The following CTNND2 variants were observed in gnomAD, a reference collection of about 807,000 sequenced individuals.
CTNND2 encodes catenin delta 2.
In CTNND2, 22 loss-of-function variants were observed where a neutral mutation model predicts 144.4. The ratio of observed to expected loss-of-function variants is 0.15; its 90% CI spans 0.11 to 0.22. CTNND2 has a LOEUF of 0.22. CTNND2 is among the 10% of genes least tolerant of loss of function. CTNND2 has a pLI of 1.00. For synonymous variants in CTNND2, 751 were observed against 695.6 expected (o/e 1.08, Z -1.25); for missense variants, 1,353 against 1,618.8 (o/e 0.84, Z 2.82).
Position 11,545,751 on chromosome 5 carries a change from G to A in CTNND2, c.287+19193C>T, listed in dbSNP as rs183992053. On this transcript the variant is annotated intron_variant, in intron 3 of 21. Coordinates refer to ENST00000304623, the MANE Select transcript of CTNND2 (RefSeq NM_001332.4). ...GTGACCAAGCAATTCTGCTTGTCTA[G>A]CTATAAACCTAAGAGAAATACAAAC... Among the ~76,000 whole-genome samples the A allele has an allele frequency of 1.1e-3, 173 of 151,218 alleles. 1 individual carries two copies. In the Middle Eastern group the frequency reaches 0.049, roughly 43 times the overall value.
At chr5:11,153,745 G>A (rs1372530351) in intron 12 of CTNND2, among the ~76,000 whole-genome samples, 1 of 151,666 alleles carries the variant, frequency 6.6e-6, no homozygotes, top group Admixed American at 6.6e-5. Flanking sequence ...GTTGTATATT[G>A]TTGTCCTTTA....
chr5:11,701,236 G>T (rs535888482), intron 2 of CTNND2, among the ~76,000 whole-genome samples: 1 of 152,104 alleles, frequency 6.6e-6, no homozygotes, highest in African/African-American at 2.4e-5. Context: ...GTCCCCATGA[G>T]GAACTCCCCA....
intron 2 of CTNND2, among the ~76,000 whole-genome samples, chr5:11,696,929 AC>A (rs1785166573): frequency 6.6e-6 from 1 of 152,186 alleles, no homozygotes; most frequent in African/African-American, 2.4e-5. Context: ...AGAGCTGCTG[AC>A]CCTTGCCTTA....
At chr5:11,329,925 C>A (rs56822787) in intron 9 of CTNND2, among the ~76,000 whole-genome samples, 12,218 of 152,196 alleles carry the variant, frequency 0.08, 772 homozygotes, top group African/African-American at 0.18. Flanking sequence ...CCTCTGGAAA[C>A]TTACAACAAG....
intron 1 of CTNND2, among the ~76,000 whole-genome samples, chr5:11,788,482 T>A (rs1790956499): frequency 6.6e-6 from 1 of 152,208 alleles, no homozygotes; most frequent in African/African-American, 2.4e-5. Flanking sequence ...CTTTTCCATA[T>A]AGACAGCCAA....
At chr5:11,575,660 A>G (rs1777918362) in intron 2 of CTNND2, among the ~76,000 whole-genome samples, 1 of 152,202 alleles carries the variant, frequency 6.6e-6, no homozygotes, top group Non-Finnish European at 1.5e-5. Context: ...ACATGCTCTT[A>G]TCACCAAACA....
intron 7 of CTNND2, among the ~76,000 whole-genome samples, chr5:11,381,929 G>T (rs921971245): frequency 3.3e-5 from 5 of 151,924 alleles, no homozygotes; most frequent in Admixed American, 3.3e-4. Flanking sequence ...ATCACGCCAC[G>T]GCACTCTAGC....
intron 2 of CTNND2, among the ~76,000 whole-genome samples, chr5:11,729,190 C>CA (rs34925830): frequency 0.19 from 26,190 of 140,380 alleles, 2,449 homozygotes; most frequent in East Asian, 0.29. Flanking sequence ...TATGTGCCAC[C>CA]AAAAAAAAAA....
chr5:11,652,559 TC>T (rs1321728857), intron 2 of CTNND2, among the ~76,000 whole-genome samples: 6 of 152,220 alleles, frequency 3.9e-5, no homozygotes, highest in Non-Finnish European at 8.8e-5. Flanking sequence ...TTATTGCTAG[TC>T]TATAGGAAAG....
At chr5:11,288,924 T>C (rs1188990041) in intron 9 of CTNND2, among the ~76,000 whole-genome samples, 1 of 151,398 alleles carries the variant, frequency 6.6e-6, no homozygotes, top group Non-Finnish European at 1.5e-5. Flanking sequence ...GTGCCAAGGA[T>C]GTTGTAACTT....
At chr5:11,498,032 G>A (rs1273812926) in intron 3 of CTNND2, among the ~76,000 whole-genome samples, 1 of 152,100 alleles carries the variant, frequency 6.6e-6, no homozygotes, top group Non-Finnish European at 1.5e-5. Context: ...GTCAAACCCA[G>A]TGAATGAAGT....
At chr5:11,743,628 G>T (rs771086637) in intron 1 of CTNND2, among the ~76,000 whole-genome samples, 5 of 152,168 alleles carry the variant, frequency 3.3e-5, no homozygotes, top group Non-Finnish European at 4.4e-5. Flanking sequence ...AAGGCAGGAG[G>T]CAGAGGAATT....
At chr5:11,719,501 AT>A (rs1404167168) in intron 2 of CTNND2, among the ~76,000 whole-genome samples, 1 of 152,188 alleles carries the variant, frequency 6.6e-6, no homozygotes, top group Non-Finnish European at 1.5e-5. Flanking sequence ...GATACTACAT[AT>A]TTACAAAGTA....
rs1016219246 is a variant in CTNND2, at chr5:11,385,180, G to A, written c.662C>T (p.Pro221Leu). The A allele has an allele frequency of 4.7e-4, 491 of 1,044,136 alleles. No homozygotes were observed. The highest frequency in any genetic ancestry group is 5.5e-4 in the Non-Finnish European group (478 of 870,264). 64.7% of individuals were successfully genotyped at this position (1,044,136 alleles called of 1,614,324 possible). ...GHLAGPEPAP[P>L]PPPPPREPFA... ...CGGCTCCCGCGGCGGCGGCGGCGGC[G>A]GCGGCGCGGGCTCGGGCCCCGCCAG... Residue 221 changes from proline (P) to leucine (L), a missense_variant, in exon 7 of 22, where the codon CCG becomes CTG. Pro to Leu is a moderately conservative substitution (Grantham distance 98). Transcript: ENST00000304623.
intron 3 of CTNND2, among the ~76,000 whole-genome samples, chr5:11,454,918 A>G (rs953921429): frequency 1.3e-5 from 2 of 151,182 alleles, no homozygotes; most frequent in Non-Finnish European, 1.5e-5. Flanking sequence ...TTTTCTTTCC[A>G]GAAGAGAAAT....
chr5:11,033,307 C>T (rs935260142), intron 16 of CTNND2, among the ~76,000 whole-genome samples: 6 of 152,174 alleles, frequency 3.9e-5, no homozygotes, highest in Non-Finnish European at 7.3e-5. Context: ...CTCCAGCTTA[C>T]CCAAGAGTTT....
At chr5:11,181,460 C>T (rs1029803314) in intron 11 of CTNND2, among the ~76,000 whole-genome samples, 5 of 152,208 alleles carry the variant, frequency 3.3e-5, no homozygotes, top group South Asian at 4.2e-4. Context: ...GGCTGTGCCC[C>T]GGGGAGCCAT....
chr5:11,457,921 G>A (rs1056124562), intron 3 of CTNND2, among the ~76,000 whole-genome samples: 17 of 152,136 alleles, frequency 1.1e-4, no homozygotes, highest in Admixed American at 1.0e-3. Flanking sequence ...CTGATGAGAC[G>A]CAAGACACTG....
intron 1 of CTNND2, among the ~76,000 whole-genome samples, chr5:11,780,337 C>T (rs1407954997): frequency 6.6e-6 from 1 of 152,178 alleles, no homozygotes; most frequent in East Asian, 1.9e-4. Context: ...CACATCTTCC[C>T]CACAGCCAAT....
Sources: gnomAD v4.1 joint callset for allele counts (sites outside exome capture counted in the v4.1 genomes callset) on GRCh38, gnomAD v4.1.1 for gene constraint, MANE v1.5 for transcripts, NCBI Gene and HGNC (gene_info 2026-07-23, HGNC 2026-07-21) for gene names.